FSTL4: variants seen among roughly 807,000 people sequenced by gnomAD.
The protein encoded by FSTL4 is follistatin-related protein 4.
In FSTL4, 28 loss-of-function variants were observed where a neutral mutation model predicts 78.2. The observed-to-expected ratio is 0.36, with a 90% CI of 0.27 to 0.49. The LOEUF (loss-of-function observed/expected upper bound fraction) is 0.49, where lower values mean the gene tolerates loss of function less well. Ranked by LOEUF, FSTL4 falls within the 20% of genes least tolerant of loss-of-function variation. FSTL4 has a pLI of 0.98. For missense variants in FSTL4, 922 were observed against 1,084.9 expected (o/e 0.85, Z 2.11); for synonymous variants, 422 against 440.5 (o/e 0.96, Z 0.53).
chr5:133,199,670 G>C lies in FSTL4; in HGVS notation c.1954C>G (p.Leu652Val), dbSNP rs190274064. The part of the protein sequence containing the change: ...CVPQAMAHTH[L>V]GGYFFIQCRQ... Reference sequence around the variant, plus strand: ...CACTGGATGAAGAAGTAGCCGCCCAGGTGGGTGTGTGCCATGGCCTGGGGC... The same window carrying C: ...CACTGGATGAAGAAGTAGCCGCCCACGTGGGTGTGTGCCATGGCCTGGGGC... Residue 652 changes from leucine to valine, a missense_variant, in exon 16 of 16, where the codon CTG (leucine) becomes GTG (valine). Coordinates refer to ENST00000265342, the MANE Select transcript of FSTL4 (RefSeq NM_015082.2). This position sits in a 1 kb window ranked among gnomAD's most constrained non-coding sequence, Gnocchi z 4.4. 71 of 1,614,168 alleles carry C rather than the reference G, an allele frequency of 4.4e-5. 1 individual carries two copies. Among genetic ancestry groups the C allele is most frequent in the Middle Eastern group, 1.6e-4 (1 of 6,062 alleles).
At chr5:133,630,596 T>G in the FSTL4 span, among the ~76,000 whole-genome samples, 1 of 152,134 alleles carries the variant, frequency 6.6e-6, no homozygotes, top group African/African-American at 2.4e-5. Context: ...TCAATGCTAT[T>G]CCCATCAAGC....
chr5:133,295,796 T>G (rs1055702324), intron 6 of FSTL4, among the ~76,000 whole-genome samples: 12 of 152,332 alleles, frequency 7.9e-5, no homozygotes, highest in Admixed American at 6.5e-4. Flanking sequence ...CCCACCACTC[T>G]GGCATCTTCC....
the FSTL4 span, among the ~76,000 whole-genome samples, chr5:133,693,561 C>T: frequency 6.6e-6 from 1 of 152,238 alleles, no homozygotes. Context: ...TACTTGGTTG[C>T]TGCAGCCCTG....
At chr5:133,795,708 A>T in the FSTL4 span, among the ~76,000 whole-genome samples, 8 of 152,176 alleles carry the variant, frequency 5.3e-5, no homozygotes, top group Admixed American at 2.0e-4. Flanking sequence ...TCTGAAATGG[A>T]GTGAAATCTT....
intron 6 of FSTL4, among the ~76,000 whole-genome samples, chr5:133,268,452 G>A (rs1752692201): frequency 6.6e-6 from 1 of 152,182 alleles, no homozygotes; most frequent in Admixed American, 6.5e-5. Context: ...TTGTTTGAAA[G>A]GCTGGGCTAA....
intron 3 of FSTL4, among the ~76,000 whole-genome samples, chr5:133,556,776 G>A (rs543288598): frequency 5.3e-5 from 8 of 152,156 alleles, no homozygotes; most frequent in East Asian, 1.9e-4. Flanking sequence ...CCAGCCCAGC[G>A]AGCCTCCACC....
intron 3 of FSTL4, among the ~76,000 whole-genome samples, chr5:133,441,620 G>A (rs1466279590): frequency 4.6e-5 from 7 of 152,140 alleles, no homozygotes; most frequent in Admixed American, 3.3e-4. Context: ...ACTGAACCCC[G>A]GAAAAGTCCA....
chr5:133,459,387 C>T (rs1455340249), intron 3 of FSTL4, among the ~76,000 whole-genome samples: 1 of 151,960 alleles, frequency 6.6e-6, no homozygotes, highest in African/African-American at 2.4e-5. Context: ...TAATAGCATA[C>T]CAAGAGTCAC....
chr5:133,508,493 T>C (rs539682253), intron 3 of FSTL4, among the ~76,000 whole-genome samples: 2 of 152,370 alleles, frequency 1.3e-5, no homozygotes, highest in South Asian at 4.1e-4. Flanking sequence ...TATGCTGTGA[T>C]GTGATGACAG....
At chr5:133,591,934 G>T (rs538642428) in intron 2 of FSTL4, among the ~76,000 whole-genome samples, 1 of 152,104 alleles carries the variant, frequency 6.6e-6, no homozygotes, top group Non-Finnish European at 1.5e-5. Flanking sequence ...GTTAGCAGGC[G>T]ATTCTGCTCC....
At chr5:133,273,849 C>T (rs1752821040) in intron 6 of FSTL4, among the ~76,000 whole-genome samples, 1 of 152,166 alleles carries the variant, frequency 6.6e-6, no homozygotes. Context: ...CCGTCCTTCC[C>T]CCAAGCATGA....
intron 3 of FSTL4, among the ~76,000 whole-genome samples, chr5:133,402,329 A>C (rs1480957518): frequency 1.3e-5 from 2 of 152,200 alleles, no homozygotes; most frequent in East Asian, 3.9e-4. Flanking sequence ...CATCACCAAC[A>C]TCACACTGCA....
At chr5:133,336,624 T>C (rs1441344846) in intron 4 of FSTL4, among the ~76,000 whole-genome samples, 1 of 152,190 alleles carries the variant, frequency 6.6e-6, no homozygotes, top group Non-Finnish European at 1.5e-5. Flanking sequence ...AGTCACTGCC[T>C]AGACTTGTCA....
At chr5:133,737,765 C>T in the FSTL4 span, among the ~76,000 whole-genome samples, 3 of 151,934 alleles carry the variant, frequency 2.0e-5, no homozygotes, top group South Asian at 2.1e-4. Context: ...CCACTGTGCC[C>T]GGCTAATTTT....
the FSTL4 span, among the ~76,000 whole-genome samples, chr5:133,625,760 C>CATATATATATATTCCAT: frequency 1.6e-4 from 3 of 18,466 alleles, 1 homozygote; most frequent in African/African-American, 1.2e-3. Flanking sequence ...ATATATATTC[C>CATATATATATATTCCAT]ATATATATTC....
Position 133,222,632 on chromosome 5 carries a change from G to A in FSTL4, c.1339+1558C>T, listed in dbSNP as rs144690158. Reference sequence around the variant, plus strand: ...GCTGTAGCTACATTCTGGGCTGAGTGCAGTACCTTGGCCTTGCTCACAGTC... The same window carrying A: ...GCTGTAGCTACATTCTGGGCTGAGTACAGTACCTTGGCCTTGCTCACAGTC... On this transcript the variant is annotated intron_variant, in intron 11 of 15. Transcript: ENST00000265342. Among the ~76,000 whole-genome samples, 1,060 of 152,288 alleles carry A rather than the reference G, an allele frequency of 7.0e-3. 10 individuals are homozygous for A. Among genetic ancestry groups the A allele is most frequent in the Non-Finnish European group, 0.012 (824 of 68,006 alleles).
At chr5:133,273,626 A>G (rs1461950975) in intron 6 of FSTL4, among the ~76,000 whole-genome samples, 1 of 152,164 alleles carries the variant, frequency 6.6e-6, no homozygotes, top group Non-Finnish European at 1.5e-5. Context: ...ATGACCTCTG[A>G]GGCTTGACTT....
chr5:133,840,822 G>C, the FSTL4 span, among the ~76,000 whole-genome samples: 1 of 152,226 alleles, frequency 6.6e-6, no homozygotes, highest in African/African-American at 2.4e-5. Context: ...TCTGCAGGGG[G>C]ACCCCTCTCC....
chr5:133,209,308 G>A (rs1409922528), intron 14 of FSTL4, among the ~76,000 whole-genome samples: 4 of 152,206 alleles, frequency 2.6e-5, no homozygotes, highest in African/African-American at 9.6e-5. Flanking sequence ...CCAGACCCTG[G>A]TCTTTCTGCC....
Sources: gnomAD v4.1 joint callset for allele counts (sites outside exome capture counted in the v4.1 genomes callset) on GRCh38, gnomAD v4.1.1 for gene constraint, Gnocchi (gnomAD v3.1) non-coding constraint, MANE v1.5 for transcripts, NCBI Gene and HGNC (gene_info 2026-07-23, HGNC 2026-07-21) for gene names.